CSMD3: variants seen among roughly 807,000 people sequenced by gnomAD.
CSMD3 encodes the protein CUB and Sushi multiple domains 3, also known as CUB and sushi domain-containing protein 3.
A neutral mutation model predicts 435.2 loss-of-function variants in CSMD3; 177 were observed. The observed-to-expected ratio is 0.41, with a 90% CI of 0.36 to 0.46. CSMD3 has a LOEUF of 0.46. Ranked by LOEUF, CSMD3 falls within the 20% of genes least tolerant of loss-of-function variation. The pLI, the probability that CSMD3 is intolerant of heterozygous loss-of-function variation, is 0.34. For missense variants in CSMD3, 4,265 were observed against 4,504.6 expected (o/e 0.95, Z 1.52); for synonymous variants, 1,656 against 1,520.5 (o/e 1.09, Z -2.07).
In CSMD3 at chr8:113,221,100, C is replaced by T. The variant is rs530510335; in HGVS notation, c.515-47184G>A. Among the ~76,000 whole-genome samples, 21 of 151,044 alleles carry T rather than the reference C, an allele frequency of 1.4e-4. No homozygotes were observed. The East Asian group carries it at 4.1e-3, about 29-fold the overall frequency. ...AATGTTATGGCGGCTAAATGCAATACCCAAATTTTGTTGGATCTTGTACTG... is the reference window on the plus strand; with the variant it reads ...AATGTTATGGCGGCTAAATGCAATATCCAAATTTTGTTGGATCTTGTACTG... On this transcript the variant is annotated intron_variant, in intron 3 of 70. Coordinates refer to ENST00000297405, the MANE Select transcript of CSMD3 (RefSeq NM_198123.2).
chr8:113,380,053 C>G (rs772197957), intron 1 of CSMD3, among the ~76,000 whole-genome samples: 6 of 152,090 alleles, frequency 3.9e-5, no homozygotes, highest in Admixed American at 1.3e-4. Context: ...CAAACTTGCC[C>G]CCATTTGCAT....
At chr8:112,927,792 A>G (rs907089401) in intron 9 of CSMD3, among the ~76,000 whole-genome samples, 15 of 152,066 alleles carry the variant, frequency 9.9e-5, no homozygotes, top group Non-Finnish European at 1.8e-4. Context: ...TGTCATCCAA[A>G]CCAAGACTAT....
chr8:113,297,603 C>T (rs997307081), intron 2 of CSMD3, among the ~76,000 whole-genome samples: 1 of 151,868 alleles, frequency 6.6e-6, no homozygotes, highest in Admixed American at 6.6e-5. Context: ...ACTCATTAGG[C>T]AAATATTACA....
At chr8:112,911,110 C>T (rs2082398704) in intron 10 of CSMD3, among the ~76,000 whole-genome samples, 1 of 151,824 alleles carries the variant, frequency 6.6e-6, no homozygotes, top group Non-Finnish European at 1.5e-5. Context: ...CTCTTCTCTA[C>T]ATTTTCTTAT....
At chr8:112,532,635 A>T (rs148673535) in intron 27 of CSMD3, among the ~76,000 whole-genome samples, 3 of 152,274 alleles carry the variant, frequency 2.0e-5, no homozygotes, top group Admixed American at 6.5e-5. Context: ...GAGAAATAAA[A>T]ACTTTCACAA....
chr8:112,923,572 C>T (rs1022965398), intron 9 of CSMD3, among the ~76,000 whole-genome samples: 2 of 152,080 alleles, frequency 1.3e-5, no homozygotes, highest in African/African-American at 2.4e-5. Flanking sequence ...GGTTTCTCCT[C>T]GCATGATATT....
At chr8:112,225,255 G>T (rs1812461609) in intron 70 of CSMD3, among the ~76,000 whole-genome samples, 1 of 151,836 alleles carries the variant, frequency 6.6e-6, no homozygotes, top group South Asian at 2.1e-4. Flanking sequence ...TAATAATGAT[G>T]ATGGATTTAA....
At chr8:112,659,930 C>T (rs1159492037) in intron 17 of CSMD3, among the ~76,000 whole-genome samples, 1 of 151,912 alleles carries the variant, frequency 6.6e-6, no homozygotes, top group Non-Finnish European at 1.5e-5. Context: ...ATCATTTTCT[C>T]CATTTGAGAA....
At chr8:112,963,633 A>G (rs2084313619) in intron 7 of CSMD3, among the ~76,000 whole-genome samples, 1 of 151,936 alleles carries the variant, frequency 6.6e-6, no homozygotes, top group Non-Finnish European at 1.5e-5. Context: ...TGTAAGAAAC[A>G]CAGAGATTCA....
intron 24 of CSMD3, 88 bp downstream of exon 24, chr8:112,573,413 G>T (rs939857829): frequency 9.3e-6 from 10 of 1,070,936 alleles, no homozygotes; most frequent in Admixed American, 6.8e-5. Context: ...ATCAAATATT[G>T]GATATCATTT....
At chr8:112,557,833 G>A (rs1389763883) in intron 24 of CSMD3, among the ~76,000 whole-genome samples, 2 of 151,886 alleles carry the variant, frequency 1.3e-5, no homozygotes, top group African/African-American at 4.8e-5. Context: ...AGTTTTGTGA[G>A]CATTCTAGCA....
chr8:113,344,752 T>C (rs1278207766), intron 1 of CSMD3, among the ~76,000 whole-genome samples: 1 of 152,188 alleles, frequency 6.6e-6, no homozygotes, highest in Non-Finnish European at 1.5e-5. Flanking sequence ...CACTCATATT[T>C]TCTGTAGCTA....
intron 5 of CSMD3, among the ~76,000 whole-genome samples, chr8:113,086,169 T>C (rs1181441116): frequency 1.3e-5 from 2 of 150,554 alleles, no homozygotes; most frequent in East Asian, 2.0e-4. Context: ...GAATGGAGTG[T>C]ACCTGGGAGG....
At chr8:112,427,290 T>C (rs1813164987) in intron 32 of CSMD3, among the ~76,000 whole-genome samples, 2 of 152,142 alleles carry the variant, frequency 1.3e-5, no homozygotes, top group Admixed American at 6.6e-5. Flanking sequence ...TCATCTTGAA[T>C]TGTAGTTTCC....
chr8:113,158,421 A>G (rs573533450), intron 4 of CSMD3, among the ~76,000 whole-genome samples: 1 of 152,176 alleles, frequency 6.6e-6, no homozygotes, highest in African/African-American at 2.4e-5. Flanking sequence ...TGGCTTTTGA[A>G]TTTTACTTTT....
At chr8:113,152,975 G>T (rs1483719080) in intron 4 of CSMD3, among the ~76,000 whole-genome samples, 2 of 108,554 alleles carry the variant, frequency 1.8e-5, no homozygotes, top group Middle Eastern at 4.4e-3. Context: ...TTTCAGAAAA[G>T]AAAAGAAAAC....
At chr8:113,291,761 A>T (rs1362298076) in intron 2 of CSMD3, among the ~76,000 whole-genome samples, 1 of 151,924 alleles carries the variant, frequency 6.6e-6, no homozygotes, top group Non-Finnish European at 1.5e-5. Flanking sequence ...CAATAAAGTC[A>T]GAGAGAGGGA....
chr8:112,351,313 A>T (rs1408128087), intron 39 of CSMD3, 69 bp from the exon 40 acceptor site: 1 of 995,974 alleles, frequency 1.0e-6, no homozygotes, highest in Admixed American at 1.7e-5. Flanking sequence ...AGCATAGTCA[A>T]TTATTATTAT....
intron 13 of CSMD3, among the ~76,000 whole-genome samples, chr8:112,707,125 T>G (rs2076515537): frequency 6.6e-6 from 1 of 151,928 alleles, no homozygotes; most frequent in South Asian, 2.1e-4. Context: ...TGAAAGAACC[T>G]TAACTGCATA....
Sources: allele counts gnomAD v4.1 joint callset (sites outside exome capture counted in the v4.1 genomes callset), GRCh38; gene constraint gnomAD v4.1.1; transcripts MANE v1.5; gene names NCBI Gene and HGNC (gene_info 2026-07-23, HGNC 2026-07-21).